The following CDH18 variants were observed in gnomAD, a reference collection of about 807,000 sequenced individuals.
CDH18 encodes cadherin-18.
A neutral mutation model predicts 67.9 loss-of-function variants in CDH18; 31 were observed. That is an observed-to-expected ratio of 0.46 (90% CI 0.34 to 0.62). The LOEUF is 0.62. Ranked by LOEUF, CDH18 falls within the 20% of genes least tolerant of loss-of-function variation. CDH18 has a pLI of 0.01. For synonymous variants in CDH18, 362 were observed against 347.2 expected (o/e 1.04, Z -0.48); for missense variants, 890 against 975.5 (o/e 0.91, Z 1.17).
intron 9 of CDH18, among the ~76,000 whole-genome samples, chr5:19,532,960 G>A (rs1748874102): frequency 6.6e-6 from 1 of 152,144 alleles, no homozygotes; most frequent in Admixed American, 6.6e-5. Flanking sequence ...TTTACCTGCA[G>A]CATGTCGAGT....
At chr5:20,228,369 A>T (rs1278268480) in intron 2 of CDH18, among the ~76,000 whole-genome samples, 1 of 152,082 alleles carries the variant, frequency 6.6e-6, no homozygotes, top group Non-Finnish European at 1.5e-5. Context: ...AATTGTATAT[A>T]TTTATTGTGT....
chr5:19,535,892 T>C (rs1462539111), intron 9 of CDH18, among the ~76,000 whole-genome samples: 1 of 152,190 alleles, frequency 6.6e-6, no homozygotes, highest in East Asian at 1.9e-4. Flanking sequence ...CAATGAATGA[T>C]TAGAGTTTCC....
At chr5:19,650,485 T>C (rs1282501266) in intron 5 of CDH18, among the ~76,000 whole-genome samples, 4 of 152,012 alleles carry the variant, frequency 2.6e-5, no homozygotes, top group Admixed American at 6.6e-5. Flanking sequence ...AAAGCTAATA[T>C]TAATAATAGG....
At chr5:19,708,022 G>A (rs55801285) in intron 5 of CDH18, among the ~76,000 whole-genome samples, 31,307 of 152,092 alleles carry the variant, frequency 0.21, 3,755 homozygotes, top group Non-Finnish European at 0.26. Flanking sequence ...CTGGAAACAT[G>A]GCGGTATAGT....
intron 1 of CDH18, among the ~76,000 whole-genome samples, chr5:20,397,073 A>C (rs971259824): frequency 2.0e-5 from 3 of 152,182 alleles, no homozygotes; most frequent in South Asian, 2.1e-4. Flanking sequence ...CTCAACTCAC[A>C]TAACTAGAAG....
At chr5:20,412,909 C>A (rs534296884) in intron 1 of CDH18, among the ~76,000 whole-genome samples, 1 of 152,278 alleles carries the variant, frequency 6.6e-6, no homozygotes, top group East Asian at 1.9e-4. Context: ...GTTTGCTGCA[C>A]CCATTAACTT....
intron 2 of CDH18, among the ~76,000 whole-genome samples, chr5:20,080,124 A>C (rs917109404): frequency 3.3e-5 from 5 of 152,194 alleles, no homozygotes; most frequent in East Asian, 1.9e-4. Flanking sequence ...CACTATATTT[A>C]TGTATGCTAT....
chr5:19,561,315 A>C (rs1739412368), intron 8 of CDH18, among the ~76,000 whole-genome samples: 1 of 152,154 alleles, frequency 6.6e-6, no homozygotes, highest in Non-Finnish European at 1.5e-5. Flanking sequence ...AAACCATGGA[A>C]TACTAGTCAG....
chr5:20,404,985 T>C (rs564961493), intron 1 of CDH18, among the ~76,000 whole-genome samples: 10 of 152,236 alleles, frequency 6.6e-5, no homozygotes, highest in African/African-American at 2.4e-4. Context: ...ACTTGATATT[T>C]CCAAATAGAT....
intron 2 of CDH18, among the ~76,000 whole-genome samples, chr5:19,924,989 A>AC (rs1561570377): frequency 6.6e-6 from 1 of 152,146 alleles, no homozygotes; most frequent in African/African-American, 2.4e-5. Context: ...TAACTTTGCA[A>AC]CCCCCAGAAA....
At chr5:20,199,529 G>T (rs1464002386) in intron 2 of CDH18, among the ~76,000 whole-genome samples, 1 of 152,232 alleles carries the variant, frequency 6.6e-6, no homozygotes, top group African/African-American at 2.4e-5. Flanking sequence ...CAGGCTCATA[G>T]GTGAAAGGGA....
At chr5:20,129,844 G>C (rs1749117192) in intron 2 of CDH18, among the ~76,000 whole-genome samples, 1 of 151,952 alleles carries the variant, frequency 6.6e-6, no homozygotes, top group Non-Finnish European at 1.5e-5. Flanking sequence ...TGATAGAGAA[G>C]TAAAATACTG....
chr5:19,493,537 G>GGGGGGTGTGT (rs1275722116), intron 11 of CDH18, among the ~76,000 whole-genome samples: 3 of 147,938 alleles, frequency 2.0e-5, no homozygotes, highest in African/African-American at 2.5e-5. Flanking sequence ...AGGGAATTGG[G>GGGGGGTGTGT]GTGTGTGTGT....
intron 1 of CDH18, among the ~76,000 whole-genome samples, chr5:20,301,375 G>A (rs556043098): frequency 1.3e-5 from 2 of 152,292 alleles, no homozygotes; most frequent in South Asian, 4.1e-4. Flanking sequence ...TGATTGCTAA[G>A]AAGTTTTACA....
chr5:19,770,564 C>T (rs1220772980), intron 3 of CDH18, among the ~76,000 whole-genome samples: 1 of 151,240 alleles, frequency 6.6e-6, no homozygotes, highest in African/African-American at 2.4e-5. Context: ...GGCAGTATGC[C>T]AGCTAAGAAA....
chr5:20,253,509 G>A (rs1200461783), intron 2 of CDH18, among the ~76,000 whole-genome samples: 3 of 152,144 alleles, frequency 2.0e-5, no homozygotes, highest in Non-Finnish European at 4.4e-5. Flanking sequence ...GGGATCCAAA[G>A]AATCCAGTAA....
At chr5:20,078,316 A>C (rs1744129446) in intron 2 of CDH18, among the ~76,000 whole-genome samples, 1 of 151,746 alleles carries the variant, frequency 6.6e-6, no homozygotes, top group South Asian at 2.1e-4. Flanking sequence ...CAAAAAAATT[A>C]GCTGGGTGTG....
chr5:19,602,585 G>A (rs1429971279), intron 6 of CDH18, among the ~76,000 whole-genome samples: 2 of 152,128 alleles, frequency 1.3e-5, no homozygotes, highest in East Asian at 1.9e-4. Context: ...TGGTGAGGAT[G>A]TGGAGAAATT....
intron 1 of CDH18, among the ~76,000 whole-genome samples, chr5:20,481,024 T>C (rs1272328655): frequency 6.6e-6 from 1 of 151,768 alleles, no homozygotes; most frequent in Non-Finnish European, 1.5e-5. Context: ...ATGGACAAAA[T>C]TCTCCAGTCA....
Sources: gnomAD v4.1 joint callset for allele counts (sites outside exome capture counted in the v4.1 genomes callset) on GRCh38, gnomAD v4.1.1 for gene constraint, MANE v1.5 for transcripts, NCBI Gene and HGNC (gene_info 2026-07-23, HGNC 2026-07-21) for gene names.